BCAT1: variants seen among roughly 807,000 people sequenced by gnomAD.
The protein encoded by BCAT1 is branched-chain-amino-acid aminotransferase, cytosolic.
Under a neutral mutation model 52.4 loss-of-function variants are expected in BCAT1, and 48 were observed. That is an observed-to-expected ratio of 0.92 (90% CI 0.73 to 1.16). BCAT1 has a LOEUF of 1.16. BCAT1 is among the 50% of genes most tolerant of loss of function. BCAT1 has a pLI of 0.00. For synonymous variants in BCAT1, 167 were observed against 161.3 expected (o/e 1.04, Z -0.27); for missense variants, 451 against 457.1 (o/e 0.99, Z 0.12).
In BCAT1 at chr12:24,894,420, T is replaced by C. The variant is rs745948190; in HGVS notation, c.134A>G (p.Asn45Ser). Reference sequence around the variant, plus strand: ...GAACACAGTTCCAAAAACCAGATTATTGGGGTCTGGTTTTTCCTTTAAAAT... The same window carrying C: ...GAACACAGTTCCAAAAACCAGATTACTGGGGTCTGGTTTTTCCTTTAAAAT... ...ATILKEKPDP[N>S]NLVFGTVFTD... Residue 45 changes from asparagine to serine, a missense_variant, in exon 3 of 11, where the codon AAT (asparagine) becomes AGT (serine). Coordinates refer to ENST00000261192, the MANE Select transcript of BCAT1 (RefSeq NM_005504.7). The C allele has an allele frequency of 1.2e-6, 2 of 1,610,782 alleles. No homozygotes were observed. The highest frequency in any genetic ancestry group is 2.2e-5 in the South Asian group (2 of 90,356).
At chr12:24,848,631 T>C (rs756490474) in intron 6 of BCAT1, among the ~76,000 whole-genome samples, 2 of 152,190 alleles carry the variant, frequency 1.3e-5, no homozygotes, top group Non-Finnish European at 2.9e-5. Flanking sequence ...ATATATGGTA[T>C]ATATATGGTA....
rs1029232868 is a variant in BCAT1, at chr12:24,902,785, G to C, written c.7-900C>G. The C allele has an allele frequency of 1.2e-5, 13 of 1,047,328 alleles. No individual in the cohort carries two copies. In the African/African-American group the frequency reaches 2.0e-4, roughly 16 times the overall value. 64.9% of individuals were successfully genotyped at this position (1,047,328 alleles called of 1,614,324 possible). ...AGGCTGGGACTCCAGATTTCGGGCA[G>C]GGATGCGGGGAAGGGAAGACGCCTC... On this transcript the variant is annotated intron_variant, in intron 1 of 10. Coordinates refer to ENST00000261192, the MANE Select transcript of BCAT1 (RefSeq NM_005504.7).
At chr12:24,852,300 G>T (rs1565463348) in intron 5 of BCAT1, among the ~76,000 whole-genome samples, 1 of 152,158 alleles carries the variant, frequency 6.6e-6, no homozygotes, top group Non-Finnish European at 1.5e-5. Context: ...ACACCCTAGT[G>T]ATGAGGAATT....
chr12:24,841,437 C>T (rs996184532), intron 7 of BCAT1, among the ~76,000 whole-genome samples: 1 of 152,136 alleles, frequency 6.6e-6, no homozygotes, highest in Admixed American at 6.6e-5. Flanking sequence ...TGTCTCAATG[C>T]AAGGTGTTCA....
At chr12:24,873,709 A>T (rs754610016) in intron 5 of BCAT1, among the ~76,000 whole-genome samples, 1 of 152,160 alleles carries the variant, frequency 6.6e-6, no homozygotes, top group Non-Finnish European at 1.5e-5. Context: ...AATCTGAAAA[A>T]ATGAAATCTG....
At chr12:24,870,868 C>CA (rs1942166862) in intron 5 of BCAT1, among the ~76,000 whole-genome samples, 1 of 151,970 alleles carries the variant, frequency 6.6e-6, no homozygotes, top group Non-Finnish European at 1.5e-5. Context: ...ACTAAAAATA[C>CA]AAAAATTAGC....
intron 1 of BCAT1, among the ~76,000 whole-genome samples, chr12:24,928,170 T>C (rs1431426171): frequency 6.6e-6 from 1 of 152,238 alleles, no homozygotes; most frequent in Non-Finnish European, 1.5e-5. Flanking sequence ...TCACATAGCA[T>C]GTTTGCAATT....
intron 2 of BCAT1, among the ~76,000 whole-genome samples, chr12:24,898,098 G>A (rs1266851016): frequency 6.6e-6 from 1 of 152,086 alleles, no homozygotes; most frequent in Non-Finnish European, 1.5e-5. Context: ...ATGAAATGTA[G>A]TTTTAAGGGA....
At chr12:24,923,947 C>T (rs1375167674) in intron 1 of BCAT1, among the ~76,000 whole-genome samples, 1 of 152,192 alleles carries the variant, frequency 6.6e-6, no homozygotes. Context: ...TTTATTCATA[C>T]ACTATAAGGA....
intron 6 of BCAT1, among the ~76,000 whole-genome samples, chr12:24,846,877 A>C (rs1182465867): frequency 3.3e-5 from 5 of 152,176 alleles, no homozygotes; most frequent in African/African-American, 1.2e-4. Flanking sequence ...TAACTACATT[A>C]TTTCATTGAG....
chr12:24,887,830 ATTTGAAACCTTCAAATATTATCACTAT>A, intron 3 of BCAT1, among the ~76,000 whole-genome samples: 1 of 152,152 alleles, frequency 6.6e-6, no homozygotes, highest in Non-Finnish European at 1.5e-5. Context: ...CTCCTCCACT[ATTTGAAACCTTCAAATATTATCACTAT>A]TTGAAACTTT....
intron 1 of BCAT1, among the ~76,000 whole-genome samples, chr12:24,930,791 A>G (rs533504183): frequency 6.6e-6 from 1 of 151,450 alleles, no homozygotes; most frequent in South Asian, 2.1e-4. Flanking sequence ...TTGCAGAATT[A>G]GTTTAGTCAT....
At chr12:24,880,044 A>C (rs540431652) in intron 4 of BCAT1, among the ~76,000 whole-genome samples, 6 of 152,308 alleles carry the variant, frequency 3.9e-5, no homozygotes, top group Non-Finnish European at 7.3e-5. Context: ...CTCTGCTACT[A>C]TATTATGGCC....
chr12:24,868,404 CAAT>C (rs1213970768), intron 5 of BCAT1, among the ~76,000 whole-genome samples: 1 of 151,984 alleles, frequency 6.6e-6, no homozygotes, highest in Non-Finnish European at 1.5e-5. Flanking sequence ...GTGCAAAAAA[CAAT>C]AATACAAACA....
chr12:24,874,411 A>T (rs977549892), intron 5 of BCAT1, among the ~76,000 whole-genome samples: 4 of 152,230 alleles, frequency 2.6e-5, no homozygotes, highest in Non-Finnish European at 4.4e-5. Context: ...TTTTAAGTCC[A>T]TCCAATAGCA....
At chr12:24,887,211 A>C (rs1182849153) in intron 3 of BCAT1, among the ~76,000 whole-genome samples, 2 of 150,272 alleles carry the variant, frequency 1.3e-5, no homozygotes, top group African/African-American at 4.9e-5. Flanking sequence ...ATCTGCCTGC[A>C]GGTGGTATGG....
chr12:24,857,141 C>T (rs77875677), intron 5 of BCAT1, among the ~76,000 whole-genome samples: 2 of 152,138 alleles, frequency 1.3e-5, no homozygotes. Context: ...TTCCTAGCTT[C>T]GGGAATGAGT....
intron 5 of BCAT1, among the ~76,000 whole-genome samples, chr12:24,866,943 C>T (rs984533688): frequency 3.9e-5 from 6 of 152,212 alleles, no homozygotes; most frequent in African/African-American, 1.2e-4. Context: ...TTCTCTCGCT[C>T]TTTGCAGTAA....
chr12:24,866,657 G>A (rs1227433540), intron 5 of BCAT1, among the ~76,000 whole-genome samples: 1 of 152,164 alleles, frequency 6.6e-6, no homozygotes, highest in African/African-American at 2.4e-5. Flanking sequence ...GTTTGTAAAT[G>A]CACCAGTCAG....
Sources: gnomAD v4.1 joint callset for allele counts (sites outside exome capture counted in the v4.1 genomes callset) on GRCh38, gnomAD v4.1.1 for gene constraint, MANE v1.5 for transcripts, NCBI Gene and HGNC (gene_info 2026-07-23, HGNC 2026-07-21) for gene names.